FOXP2: variants seen among roughly 807,000 people sequenced by gnomAD.
FOXP2 encodes the protein forkhead box protein P2.
FOXP2 carries 12 observed loss-of-function variants against 115.8 expected under a neutral mutation model. The observed-to-expected ratio is 0.10, with a 90% CI of 0.07 to 0.17. The LOEUF is 0.17. Among genes scored for constraint, FOXP2 ranks in the 10% least tolerant of loss-of-function variants. The probability of loss-of-function intolerance (pLI) is 1.00; values close to 1 mark genes in which losing one functional copy is unlikely to be tolerated. For missense variants in FOXP2, 629 were observed against 843.5 expected (o/e 0.75, Z 3.15); for synonymous variants, 328 against 297.7 (o/e 1.10, Z -1.05).
chr7:114,641,247 T>A (rs1000515020), intron 6 of FOXP2, among the ~76,000 whole-genome samples: 3 of 152,212 alleles, frequency 2.0e-5, no homozygotes, highest in Non-Finnish European at 4.4e-5. Flanking sequence ...ATAAAAAATA[T>A]ACAAAGACAC....
At chr7:114,623,889 A>T (rs1247074114) in intron 3 of FOXP2, among the ~76,000 whole-genome samples, 3 of 151,918 alleles carry the variant, frequency 2.0e-5, no homozygotes, top group African/African-American at 7.2e-5. Flanking sequence ...CTGCTAAAAG[A>T]TTGCGTTAAA....
intron 3 of FOXP2, among the ~76,000 whole-genome samples, chr7:114,593,664 G>C (rs1691244442): frequency 2.0e-5 from 3 of 151,842 alleles, no homozygotes; most frequent in Admixed American, 6.6e-5. Context: ...AAATTTACCT[G>C]GCCCCAGATC....
At chr7:114,316,893 A>T (rs994943521) in intron 2 of FOXP2, among the ~76,000 whole-genome samples, 4 of 152,110 alleles carry the variant, frequency 2.6e-5, no homozygotes, top group Non-Finnish European at 4.4e-5. Context: ...AATGATATAA[A>T]CACGATTTTG....
At chr7:114,235,286 A>T (rs144065754) in intron 1 of FOXP2, among the ~76,000 whole-genome samples, 1 of 152,142 alleles carries the variant, frequency 6.6e-6, no homozygotes, top group Non-Finnish European at 1.5e-5. Context: ...ATATCTGTGC[A>T]TATAGTTGTG....
intron 2 of FOXP2, among the ~76,000 whole-genome samples, chr7:114,489,818 A>G (rs1471837173): frequency 6.6e-6 from 1 of 152,172 alleles, no homozygotes; most frequent in African/African-American, 2.4e-5. Context: ...AAGTAAGTAT[A>G]TGAAAAGATG....
chr7:114,396,276 G>T (rs12234614), intron 2 of FOXP2, among the ~76,000 whole-genome samples: 146,880 of 152,192 alleles, frequency 0.97, 71,081 homozygotes, highest in East Asian at 1. Flanking sequence ...ACGTTTGTCT[G>T]TCTGTGCCTG....
chr7:114,104,241 A>G (rs1334176027), intron 1 of FOXP2, among the ~76,000 whole-genome samples: 1 of 151,946 alleles, frequency 6.6e-6, no homozygotes, highest in Non-Finnish European at 1.5e-5. Flanking sequence ...CAAGAAGTGA[A>G]ATATTTATGA....
rs1050533280 is a variant in FOXP2 at position 114,690,141 on chromosome 7, T to C, written c.*215T>C. On this transcript the variant is annotated 3_prime_UTR_variant, in exon 17 of 17. Coordinates refer to ENST00000350908, the MANE Select transcript of FOXP2 (RefSeq NM_014491.4). ...TCTTCTTCTTCTTCTTTTTTTTTTT[T>C]TTTTTAGAAAAAAAGACAAAAACTG... is the stretch of plus-strand genomic sequence containing the variant. 2 of 569,926 alleles carry C rather than the reference T, an allele frequency of 3.5e-6. No individual in the cohort carries two copies. Among genetic ancestry groups the C allele is most frequent in the East Asian group, 3.5e-5 (1 of 28,498 alleles). The allele number at this position is 569,926 out of a possible 1,614,324, so 35.3% of individuals were successfully genotyped here.
chr7:114,145,717 T>C (rs1480777449), intron 1 of FOXP2, among the ~76,000 whole-genome samples: 28 of 152,062 alleles, frequency 1.8e-4, no homozygotes, highest in Non-Finnish European at 4.0e-4. Flanking sequence ...CATATTTAAG[T>C]AATACAGAAT....
chr7:114,306,942 T>A (rs1011980827), intron 2 of FOXP2, among the ~76,000 whole-genome samples: 6 of 152,128 alleles, frequency 3.9e-5, no homozygotes, highest in Non-Finnish European at 8.8e-5. Context: ...CTCTTGTGAT[T>A]ACAGTGGGTC....
chr7:114,406,381 G>GTT (rs1793037948), intron 2 of FOXP2, among the ~76,000 whole-genome samples: 1 of 151,862 alleles, frequency 6.6e-6, no homozygotes, highest in Non-Finnish European at 1.5e-5. Flanking sequence ...CAAAGTACAG[G>GTT]TTTTTACAAG....
At chr7:114,405,404 A>G (rs1331424940) in intron 2 of FOXP2, among the ~76,000 whole-genome samples, 1 of 151,932 alleles carries the variant, frequency 6.6e-6, no homozygotes, top group Non-Finnish European at 1.5e-5. Flanking sequence ...TCTATTAATT[A>G]CACACTTCCC....
intron 2 of FOXP2, among the ~76,000 whole-genome samples, chr7:114,322,067 G>A (rs1350720153): frequency 6.7e-6 from 1 of 149,620 alleles, no homozygotes; most frequent in Admixed American, 6.7e-5. Flanking sequence ...TGTCACCCAG[G>A]CTGGAGTGCA....
chr7:114,213,925 G>A (rs1235463836), intron 1 of FOXP2, among the ~76,000 whole-genome samples: 1 of 152,160 alleles, frequency 6.6e-6, no homozygotes, highest in Non-Finnish European at 1.5e-5. Flanking sequence ...GCTCACCTAA[G>A]TAAAGAAGAC....
intron 2 of FOXP2, among the ~76,000 whole-genome samples, chr7:114,298,820 A>C (rs868021433): frequency 4.6e-5 from 7 of 152,192 alleles, no homozygotes; most frequent in Admixed American, 1.3e-4. Flanking sequence ...TGTATATTAA[A>C]TTTTTGGAAG....
chr7:114,217,014 T>C (rs911144863), intron 1 of FOXP2, among the ~76,000 whole-genome samples: 3 of 152,188 alleles, frequency 2.0e-5, no homozygotes, highest in African/African-American at 7.2e-5. Flanking sequence ...ACATTCATGA[T>C]TATGGTTTGA....
intron 2 of FOXP2, among the ~76,000 whole-genome samples, chr7:114,524,752 A>G (rs1417658282): frequency 6.6e-6 from 1 of 152,048 alleles, no homozygotes; most frequent in Non-Finnish European, 1.5e-5. Flanking sequence ...AATACCTTTT[A>G]ATGGCTTACA....
At chr7:114,641,985 T>C (rs1805559947) in intron 6 of FOXP2, among the ~76,000 whole-genome samples, 1 of 151,844 alleles carries the variant, frequency 6.6e-6, no homozygotes, top group African/African-American at 2.4e-5. Flanking sequence ...TTTGTATTTT[T>C]AGTAGAGACA....
intron 1 of FOXP2, among the ~76,000 whole-genome samples, chr7:114,213,941 G>A (rs549663040): frequency 6.6e-6 from 1 of 152,154 alleles, no homozygotes. Flanking sequence ...AAGACTATAG[G>A]AGAAAATATG....
Sources: allele counts gnomAD v4.1 joint callset (sites outside exome capture counted in the v4.1 genomes callset), GRCh38; gene constraint gnomAD v4.1.1; transcripts MANE v1.5; gene names NCBI Gene and HGNC (gene_info 2026-07-23, HGNC 2026-07-21).